The following LRCH2 variants were observed in gnomAD, a reference collection of about 807,000 sequenced individuals.
LRCH2 encodes leucine rich repeats and calponin homology domain containing 2.
In LRCH2, 38 loss-of-function variants were observed where a neutral mutation model predicts 68.9. That is an observed-to-expected ratio of 0.55 (90% CI 0.43 to 0.72). The LOEUF is 0.72. LRCH2 is among the 30% of genes least tolerant of loss of function. The pLI is 0.00. For missense variants in LRCH2, 528 were observed against 572.9 expected (o/e 0.92, Z 0.80); for synonymous variants, 191 against 208.1 (o/e 0.92, Z 0.71).
chrX:115,190,970 A>G (rs1019334341), intron 1 of LRCH2: 4 of 1,162,501 alleles, frequency 3.4e-6, no homozygotes, highest in Middle Eastern at 2.3e-4. Context: ...GGAGGCCACT[A>G]TGAGGAGAAC....
Position 115,124,084 on chromosome X carries a change from C to T in LRCH2, c.1792-82G>A, listed in dbSNP as rs901268208. ...AAATAATCAAGGTGCTTATTCACAT[C>T]CATTCCAATTTGGGGAAATACTTAT... On this transcript the variant is annotated intron_variant, in intron 16 of 20. Coordinates refer to ENST00000317135, the MANE Select transcript of LRCH2 (RefSeq NM_020871.4). 1.6e-5 allele frequency: 8 copies of T among 511,922 alleles called. No individual in the cohort carries two copies. In the African/African-American group the frequency reaches 1.7e-4, roughly 11 times the overall value. The allele number at this position is 511,922 out of a possible 1,213,427, so 42.2% of individuals were successfully genotyped here.
In LRCH2 at chrX:115,122,777, C is replaced by T. The variant is rs1556526428; in HGVS notation, c.2083G>A (p.Val695Ile). ...IRPRSVASIH[V>I]PSPAVPKLSM... ...AAACTTACCACTGCTGGTGATGGTA[C>T]ATGAATACTAGCAACAGAACGTGGC... The change falls in exon 19 of 21, where the codon GTA (valine) becomes ATA (isoleucine). Residue 695 changes from valine (V) to isoleucine (I), a missense_variant. Val to Ile is a conservative substitution (Grantham distance 29). Coordinates refer to ENST00000317135, the MANE Select transcript of LRCH2 (RefSeq NM_020871.4). 3 of 1,209,006 alleles carry T rather than the reference C, an allele frequency of 2.5e-6. No homozygotes were observed. Among genetic ancestry groups the T allele is most frequent in the East Asian group, 5.9e-5 (2 of 33,738 alleles).
At chrX:115,197,393 C>G (rs1407027602) in intron 1 of LRCH2, among the ~76,000 whole-genome samples, 2 of 111,522 alleles carry the variant, frequency 1.8e-5, no homozygotes, top group Non-Finnish European at 3.8e-5. Flanking sequence ...AAAACCAATA[C>G]AAAGAACTCA....
At chrX:115,156,284 A>G (rs188533975) in intron 12 of LRCH2, among the ~76,000 whole-genome samples, 1 of 112,161 alleles carries the variant, frequency 8.9e-6, no homozygotes, top group Admixed American at 9.5e-5. Flanking sequence ...AGTATCATAG[A>G]GAATAAACAC....
At chrX:115,117,888 T>C (rs1556524575) in intron 20 of LRCH2, among the ~76,000 whole-genome samples, 1 of 110,693 alleles carries the variant, frequency 9.0e-6, no homozygotes. Context: ...TATGTCAAAA[T>C]TGATCAAATT....
chrX:115,207,430 G>A (rs989857522), intron 1 of LRCH2, among the ~76,000 whole-genome samples: 6 of 111,276 alleles, frequency 5.4e-5, no homozygotes, highest in Admixed American at 1.9e-4. Flanking sequence ...CCAGCTACTC[G>A]GGAGGCTAAG....
chrX:115,233,958 A>G lies in LRCH2; in HGVS notation c.84T>C (p.Ala28=), dbSNP rs1268357037. The change falls in exon 1 of 21, where the codon GCT becomes GCC. Residue 28 remains alanine, a synonymous_variant. Transcript: ENST00000317135. ...GGGSSGGCGT[A]GGGGGGAGGG... ...CTCCAGCCCCGCCACCTCCCCCTCC[A>G]GCCGTGCCACAGCCACCGCTACTTC... The G allele has an allele frequency of 1.8e-6, 2 of 1,081,464 alleles. No individual in the cohort carries two copies. The highest frequency in any genetic ancestry group is 1.2e-6 in the Non-Finnish European group (1 of 817,889). The allele number at this position is 1,081,464 out of a possible 1,213,427, so 89.1% of individuals were successfully genotyped here. A position where few individuals can be genotyped will look rare whatever the true frequency, so the allele number is the denominator to read the frequency against.
In LRCH2 at chrX:115,185,291, T is replaced by A. The variant is rs974997419; in HGVS notation, c.495-754A>T. ...GAATTAACTCTCACAGTGATCCCCA[T>A]TTTGCAGATGAAGAAATAGTCACAA... On this transcript the variant is annotated intron_variant, in intron 2 of 20. Coordinates refer to ENST00000317135, the MANE Select transcript of LRCH2 (RefSeq NM_020871.4). Among the ~76,000 whole-genome samples the A allele has an allele frequency of 5.4e-5, 6 of 111,863 alleles. No homozygotes were observed. In the Admixed American group the frequency reaches 5.7e-4, roughly 11 times the overall value.
rs1385824499 is a variant in LRCH2, at chrX:115,116,867, T to G, written c.2179-3532A>C. Among the ~76,000 whole-genome samples the G allele has an allele frequency of 2.7e-5, 3 of 110,859 alleles. No individual in the cohort carries two copies. The East Asian group carries it at 8.5e-4, about 31-fold the overall frequency. On this transcript the variant is annotated intron_variant, in intron 20 of 20. Transcript: ENST00000317135. ...GGAAAGAAATCTTTGTGGCCTTGGA[T>G]TATACGAAGATTTCCTAGGTTTGAC...
intron 20 of LRCH2, among the ~76,000 whole-genome samples, chrX:115,120,951 C>T (rs2072134661): frequency 1.0e-5 from 1 of 99,897 alleles, no homozygotes; most frequent in Admixed American, 1.2e-4. Context: ...TATTCTCACT[C>T]ATAGGTGGGA....
Position 115,192,270 on chromosome X carries a change from C to T in LRCH2, c.350-3900G>A, listed in dbSNP as rs782352771. 1,110 of 1,160,535 alleles carry T rather than the reference C, an allele frequency of 9.6e-4. 3 individuals are homozygous for T. Among genetic ancestry groups the T allele is most frequent in the Middle Eastern group, 3.0e-3 (13 of 4,276 alleles). On this transcript the variant is annotated intron_variant, in intron 1 of 20. Transcript: ENST00000317135. ...ACAGTCATGGCCGGAGCCACCGCTA[C>T]GGAGGAGGAGGCCGCTACGAGGAGT...
intron 1 of LRCH2, among the ~76,000 whole-genome samples, chrX:115,207,407 C>T (rs965756358): frequency 9.0e-6 from 1 of 111,010 alleles, no homozygotes; most frequent in East Asian, 2.9e-4. Context: ...GGGCATGGTG[C>T]ATGCCTGTAG....
At chrX:115,130,566 C>T (rs1556529692) in intron 14 of LRCH2, among the ~76,000 whole-genome samples, 4 of 110,831 alleles carry the variant, frequency 3.6e-5, no homozygotes, top group Non-Finnish European at 7.6e-5. Context: ...AGACTTACTT[C>T]TTTGGAATTC....
intron 20 of LRCH2, among the ~76,000 whole-genome samples, chrX:115,115,108 A>C (rs2072071541): frequency 9.0e-6 from 1 of 111,176 alleles, no homozygotes; most frequent in Admixed American, 9.6e-5. Context: ...CACAGGAATA[A>C]ACATTGTGAA....
rs782377500 is a variant in LRCH2, at chrX:115,192,489, C to G, written c.350-4119G>C. ...GCGACCGCTACTCGAGGGGTCGAGA[C>G]CGGGTAGGCAGACCGGATCGTGGGC... On this transcript the variant is annotated intron_variant, in intron 1 of 20. Transcript: ENST00000317135. 157 of 1,169,935 alleles carry G rather than the reference C, an allele frequency of 1.3e-4. No homozygotes were observed. The highest frequency in any genetic ancestry group is 1.7e-4 in the Non-Finnish European group (147 of 874,823).
At position 115,168,633 on chromosome X, in the gene LRCH2, A is replaced by G. The variant is rs2072582809; in HGVS notation, c.998+1666T>C. Among the ~76,000 whole-genome samples, 3 of 110,961 alleles carry G rather than the reference A, an allele frequency of 2.7e-5. No individual in the cohort carries two copies. The South Asian group carries it at 1.2e-3, about 43-fold the overall frequency. On this transcript the variant is annotated intron_variant, in intron 6 of 20. Transcript: ENST00000317135. ...TTTTACTGGATGGTCCTGCTAGAGA[A>G]TATCTCCAAAATATATCTTAATTCT...
chrX:115,172,918 G>A (rs1332573341), intron 5 of LRCH2, among the ~76,000 whole-genome samples: 1 of 109,435 alleles, frequency 9.1e-6, no homozygotes, highest in East Asian at 2.9e-4. Flanking sequence ...CCTAAGAAAG[G>A]GTACATGGGA....
intron 3 of LRCH2, among the ~76,000 whole-genome samples, chrX:115,183,601 C>T (rs2072710493): frequency 2.7e-5 from 3 of 110,209 alleles, no homozygotes; most frequent in Non-Finnish European, 1.9e-5. Context: ...AGGCTGAGCA[C>T]GAGAATAGCC....
chrX:115,213,736 C>G, intron 1 of LRCH2, among the ~76,000 whole-genome samples: 1 of 111,795 alleles, frequency 8.9e-6, no homozygotes, highest in Non-Finnish European at 1.9e-5. Flanking sequence ...TCAAAGTTCA[C>G]AGAAGTCTTA....
Sources: gnomAD v4.1 joint callset for allele counts (sites outside exome capture counted in the v4.1 genomes callset) on GRCh38, gnomAD v4.1.1 for gene constraint, MANE v1.5 for transcripts, NCBI Gene and HGNC (gene_info 2026-07-23, HGNC 2026-07-21) for gene names.